Variants in RNF170 observed in about 807,000 individuals in gnomAD.
RNF170 encodes E3 ubiquitin-protein ligase RNF170.
In RNF170, 12 loss-of-function variants were observed where a neutral mutation model predicts 32.7. The ratio of observed to expected loss-of-function variants is 0.37; its 90% CI spans 0.24 to 0.60. The LOEUF (loss-of-function observed/expected upper bound fraction) is 0.60, where lower values mean the gene tolerates loss of function less well. Ranked by LOEUF, RNF170 falls within the 20% of genes least tolerant of loss-of-function variation. RNF170 has a pLI of 0.72. For synonymous variants in RNF170, 91 were observed against 103.6 expected (o/e 0.88, Z 0.74); for missense variants, 212 against 311.2 (o/e 0.68, Z 2.40).
chr8:42,889,412 C>G (rs1349202577), intron 1 of RNF170: 1 of 151,892 alleles, frequency 6.6e-6, no homozygotes, highest in Non-Finnish European at 1.5e-5. Context: ...TCTTATAAGA[C>G]ACCTAAAGAG....
intron 2 of RNF170, among the ~76,000 whole-genome samples, chr8:42,884,416 A>G (rs72644054): frequency 0.032 from 4,818 of 152,074 alleles, 112 homozygotes; most frequent in Middle Eastern, 0.058. Flanking sequence ...CTGCTGCACA[A>G]ATTAAAATTT....
intron 4 of RNF170, among the ~76,000 whole-genome samples, chr8:42,868,369 A>G (rs1280136154): frequency 2.0e-5 from 3 of 152,236 alleles, no homozygotes; most frequent in Non-Finnish European, 2.9e-5. Flanking sequence ...TAGTCCCTAT[A>G]TGAAAATTTC....
chr8:42,877,777 A>G (rs1805070026), intron 2 of RNF170, among the ~76,000 whole-genome samples: 1 of 152,222 alleles, frequency 6.6e-6, no homozygotes, highest in Non-Finnish European at 1.5e-5. Flanking sequence ...AAACACAAAG[A>G]TGACTTCTCA....
At chr8:42,859,724 T>C (rs1463662390) in intron 6 of RNF170, among the ~76,000 whole-genome samples, 2 of 152,054 alleles carry the variant, frequency 1.3e-5, no homozygotes, top group East Asian at 1.9e-4. Flanking sequence ...TCCTGGCTCA[T>C]TGCAACCTCT....
chr8:42,885,951 G>A (rs908707472), intron 2 of RNF170, among the ~76,000 whole-genome samples: 1 of 151,998 alleles, frequency 6.6e-6, no homozygotes, highest in Non-Finnish European at 1.5e-5. Context: ...GGCCAGGCAC[G>A]GTGGCTCACG....
chr8:42,893,987 G>A (rs958083097), intron 1 of RNF170, among the ~76,000 whole-genome samples: 1 of 151,660 alleles, frequency 6.6e-6, no homozygotes, highest in Non-Finnish European at 1.5e-5. Context: ...TTCAGGGAAG[G>A]AAAAAAAATA....
downstream of RNF170, among the ~76,000 whole-genome samples, chr8:42,852,107 C>CTAA (rs1345402040): frequency 2.6e-5 from 4 of 152,114 alleles, no homozygotes; most frequent in Non-Finnish European, 5.9e-5. Flanking sequence ...AGAGAATGAA[C>CTAA]GTTTAAGACA....
In RNF170 at chr8:42,855,635, GA is replaced by G; in HGVS notation, c.*523del. ...TGATAGCAAATAATTAATTATACCA[GA>G]ATGAAAAGGCAGAACTGCTCCAAAT... is the stretch of plus-strand genomic sequence containing the variant. On this transcript the variant is annotated 3_prime_UTR_variant, in exon 7 of 7. Coordinates refer to ENST00000527424, the MANE Select transcript of RNF170 (RefSeq NM_030954.4). The G allele has an allele frequency of 7.8e-7, 1 of 1,284,514 alleles. No individual in the cohort carries two copies. Among genetic ancestry groups the G allele is most frequent in the Non-Finnish European group, 1.0e-6 (1 of 986,192 alleles). The allele number at this position is 1,284,514 out of a possible 1,614,324, so 79.6% of individuals were successfully genotyped here. A position where few individuals can be genotyped will look rare whatever the true frequency, so the allele number is the denominator to read the frequency against.
chr8:42,868,228 T>C (rs184449159), intron 4 of RNF170, among the ~76,000 whole-genome samples: 13 of 152,310 alleles, frequency 8.5e-5, no homozygotes, highest in African/African-American at 2.6e-4. Flanking sequence ...AACCCTGCCA[T>C]TACATGGTAT....
At chr8:42,863,785 A>G (rs1407308076) in intron 5 of RNF170, among the ~76,000 whole-genome samples, 2 of 152,238 alleles carry the variant, frequency 1.3e-5, no homozygotes, top group Non-Finnish European at 2.9e-5. Flanking sequence ...CAAATCAGCC[A>G]GAGAGGCATA....
In RNF170 at chr8:42,854,858, A is replaced by G; in HGVS notation, c.*1301T>C. 1.6e-6 allele frequency: 2 copies of G among 1,287,266 alleles called. No individual in the cohort carries two copies. The highest frequency in any genetic ancestry group is 2.0e-6 in the Non-Finnish European group (2 of 988,690). 79.7% of individuals were successfully genotyped at this position (1,287,266 alleles called of 1,614,324 possible). ...CATGTGGTACTGAGTCTTCTCAGAT[A>G]CATTCACTTGTTTGGCTCAAGACAT... On this transcript the variant is annotated 3_prime_UTR_variant, in exon 7 of 7. Coordinates refer to ENST00000527424, the MANE Select transcript of RNF170 (RefSeq NM_030954.4).
At chr8:42,871,286 A>T (rs1804507591) in intron 3 of RNF170, among the ~76,000 whole-genome samples, 1 of 152,206 alleles carries the variant, frequency 6.6e-6, no homozygotes, top group African/African-American at 2.4e-5. Context: ...TTTTAATGGA[A>T]CCCAGCACAG....
chr8:42,855,478 T>C lies in RNF170; in HGVS notation c.*681A>G, dbSNP rs1803184777. On this transcript the variant is annotated 3_prime_UTR_variant, in exon 7 of 7. Transcript: ENST00000527424. ...TACCCGCCTCAGCCTCCCAAAGTGC[T>C]AGGATTACAGGCGTGAGCCACCCCG... 2 of 1,136,604 alleles carry C rather than the reference T, an allele frequency of 1.8e-6. No homozygotes were observed. The highest frequency in any genetic ancestry group is 4.6e-5 in the Admixed American group (2 of 43,244). The allele number at this position is 1,136,604 out of a possible 1,614,324, so 70.4% of individuals were successfully genotyped here.
intron 1 of RNF170, among the ~76,000 whole-genome samples, chr8:42,895,798 G>A (rs932352214): frequency 2.6e-5 from 4 of 152,188 alleles, no homozygotes; most frequent in African/African-American, 7.2e-5. Context: ...AAAGGAAAAC[G>A]ACATCGCATG....
At chr8:42,863,565 C>T (rs2128928226) in intron 5 of RNF170, among the ~76,000 whole-genome samples, 1 of 152,326 alleles carries the variant, frequency 6.6e-6, no homozygotes, top group South Asian at 2.1e-4. Context: ...CCTCAGCCTC[C>T]CAAGTAGCTG....
chr8:42,875,169 T>TAA (rs35059319), intron 2 of RNF170, among the ~76,000 whole-genome samples: 4,250 of 129,752 alleles, frequency 0.033, 232 homozygotes, highest in African/African-American at 0.11. Context: ...AAAACCGTCT[T>TAA]AAAAAAAAAA....
rs1216461427 is a variant in RNF170, at chr8:42,853,753, C to T, written c.*2406G>A. ...CCCTTCTGCATTTATCATCAGAGATCGGTAAAGATGACAACAAGCAGGTCT... is the reference window on the plus strand; with the variant it reads ...CCCTTCTGCATTTATCATCAGAGATTGGTAAAGATGACAACAAGCAGGTCT... On this transcript the variant is annotated 3_prime_UTR_variant, in exon 7 of 7. Coordinates refer to ENST00000527424, the MANE Select transcript of RNF170 (RefSeq NM_030954.4). The T allele has an allele frequency of 1.8e-5, 23 of 1,287,004 alleles. 1 individual carries two copies. Among genetic ancestry groups the T allele is most frequent in the South Asian group, 9.9e-5 (8 of 80,940 alleles). The allele number at this position is 1,287,004 out of a possible 1,614,324, so 79.7% of individuals were successfully genotyped here.
chr8:42,896,669 C>G (rs1201546302), upstream of RNF170: 1 of 450,474 alleles, frequency 2.2e-6, no homozygotes, highest in South Asian at 1.5e-5. Context: ...GGAGGAGGAC[C>G]CGTCGCCGCA....
intron 6 of RNF170, among the ~76,000 whole-genome samples, chr8:42,859,605 A>G (rs576361704): frequency 6.6e-6 from 1 of 151,738 alleles, no homozygotes; most frequent in Admixed American, 6.6e-5. Context: ...CCAGCCTGGG[A>G]AAGAGTGAGA....
Sources: allele counts gnomAD v4.1 joint callset (sites outside exome capture counted in the v4.1 genomes callset), GRCh38; gene constraint gnomAD v4.1.1; transcripts MANE v1.5; gene names NCBI Gene and HGNC (gene_info 2026-07-23, HGNC 2026-07-21).